The following LRP1B variants were observed in gnomAD, a reference collection of about 807,000 sequenced individuals.
The protein encoded by LRP1B is low-density lipoprotein receptor-related protein 1B.
Under a neutral mutation model 556.6 loss-of-function variants are expected in LRP1B, and 217 were observed. The observed-to-expected ratio is 0.39, with a 90% CI of 0.35 to 0.44. LRP1B has a LOEUF of 0.44. Ranked by LOEUF, LRP1B falls within the 20% of genes least tolerant of loss-of-function variation. LRP1B has a pLI of 1.00. For synonymous variants in LRP1B, 2,047 were observed against 1,865.8 expected (o/e 1.10, Z -2.50); for missense variants, 5,053 against 5,620.8 (o/e 0.90, Z 3.23).
At chr2:141,283,767 T>C (rs562236900) in intron 3 of LRP1B, among the ~76,000 whole-genome samples, 8 of 151,860 alleles carry the variant, frequency 5.3e-5, no homozygotes, top group Admixed American at 5.3e-4. Flanking sequence ...GGCTAATTTT[T>C]GTATTTTTAG....
intron 7 of LRP1B, among the ~76,000 whole-genome samples, chr2:141,164,585 A>G (rs1388932457): frequency 6.6e-6 from 1 of 152,068 alleles, no homozygotes; most frequent in African/African-American, 2.4e-5. Context: ...CTAGCAGGGT[A>G]TCAAATTAGA....
At chr2:141,585,430 T>A (rs866279979) in intron 2 of LRP1B, among the ~76,000 whole-genome samples, 4 of 145,094 alleles carry the variant, frequency 2.8e-5, no homozygotes, top group African/African-American at 1.0e-4. Flanking sequence ...ATCGTGTGTG[T>A]GTGTGTGTGT....
At chr2:141,053,943 C>T (rs1212478053) in intron 10 of LRP1B, among the ~76,000 whole-genome samples, 1 of 151,858 alleles carries the variant, frequency 6.6e-6, no homozygotes, top group African/African-American at 2.4e-5. Context: ...TATCATGAGG[C>T]TTCAAACTCA....
intron 18 of LRP1B, among the ~76,000 whole-genome samples, chr2:140,977,222 G>T (rs1696628333): frequency 6.6e-6 from 1 of 152,084 alleles, no homozygotes; most frequent in Non-Finnish European, 1.5e-5. Context: ...TCATTATAAC[G>T]AATAAGTCTC....
At chr2:141,763,949 T>C (rs1018912694) in intron 2 of LRP1B, among the ~76,000 whole-genome samples, 2 of 152,184 alleles carry the variant, frequency 1.3e-5, no homozygotes, top group African/African-American at 2.4e-5. Flanking sequence ...TACAGATTAT[T>C]GCAATTTGCT....
chr2:142,123,776 CTT>C (rs1428903204), intron 1 of LRP1B, among the ~76,000 whole-genome samples: 2 of 150,226 alleles, frequency 1.3e-5, no homozygotes, highest in African/African-American at 4.9e-5. Context: ...TAAATGGAAA[CTT>C]TTAAATACAC....
chr2:141,921,264 A>C (rs1019785133), intron 1 of LRP1B, among the ~76,000 whole-genome samples: 1 of 152,016 alleles, frequency 6.6e-6, no homozygotes, highest in African/African-American at 2.4e-5. Flanking sequence ...CTTGTCTTGA[A>C]TCCACAAAAA....
Position 140,425,671 on chromosome 2 carries a change from G to A in LRP1B, c.10414+16833C>T, listed in dbSNP as rs140317340. ...TGATCCTGCCTCAGCATCCCAAAGT[G>A]CTGGGATTACAGGAGTGAGCCACCG... On this transcript the variant is annotated intron_variant, in intron 66 of 90. Coordinates refer to ENST00000389484, the MANE Select transcript of LRP1B (RefSeq NM_018557.3). Among the ~76,000 whole-genome samples the A allele has an allele frequency of 6.8e-3, 1,030 of 152,286 alleles. 9 individuals are homozygous for A. Among genetic ancestry groups the A allele is most frequent in the Non-Finnish European group, 0.011 (776 of 68,034 alleles).
chr2:141,622,912 C>T (rs1436273419), intron 2 of LRP1B, among the ~76,000 whole-genome samples: 1 of 152,174 alleles, frequency 6.6e-6, no homozygotes, highest in African/African-American at 2.4e-5. Flanking sequence ...ATTCCTCCCC[C>T]AACCCCTGCC....
At chr2:141,840,005 T>C (rs920949580) in intron 1 of LRP1B, among the ~76,000 whole-genome samples, 9 of 152,166 alleles carry the variant, frequency 5.9e-5, no homozygotes, top group African/African-American at 1.7e-4. Context: ...TAATGCCCTC[T>C]AGCAAGAACT....
chr2:140,849,830 G>A lies in LRP1B; in HGVS notation c.4939+272C>T, dbSNP rs545298001. Among the ~76,000 whole-genome samples, 8 of 152,074 alleles carry A rather than the reference G, an allele frequency of 5.3e-5. 1 individual carries two copies. In the South Asian group the frequency reaches 1.2e-3, roughly 24 times the overall value. The stretch of plus-strand genomic sequence containing the variant: ...GCCGGGATTACCGCTGTGAGCCACC[G>A]TGCCCAGCCGAGAAATCTAAATTTT... On this transcript the variant is annotated intron_variant, in intron 29 of 90. Transcript: ENST00000389484.
chr2:142,099,945 C>T (rs1706512733), intron 1 of LRP1B, among the ~76,000 whole-genome samples: 1 of 151,832 alleles, frequency 6.6e-6, no homozygotes, highest in African/African-American at 2.4e-5. Flanking sequence ...AACCTGGATT[C>T]TAAGTGTTAG....
intron 21 of LRP1B, among the ~76,000 whole-genome samples, chr2:140,921,826 A>T (rs1694743874): frequency 6.6e-6 from 1 of 151,996 alleles, no homozygotes; most frequent in Admixed American, 6.6e-5. Flanking sequence ...ACCAAGAGGC[A>T]TGTTTAAGAA....
intron 27 of LRP1B, among the ~76,000 whole-genome samples, chr2:140,855,993 CCTCCA>C (rs951207900): frequency 1.3e-5 from 2 of 152,140 alleles, no homozygotes; most frequent in Non-Finnish European, 2.9e-5. Context: ...TACCTCTACT[CCTCCA>C]ACATGTTTCC....
chr2:141,005,442 C>T lies in LRP1B; in HGVS notation c.2396G>A (p.Arg799Gln), dbSNP rs201695614. The change falls in exon 15 of 91, where the codon CGA becomes CAA. Residue 799 changes from arginine (R) to glutamine (Q), a missense_variant. By Grantham distance (43) the Arg-to-Gln change is conservative. Coordinates refer to ENST00000389484, the MANE Select transcript of LRP1B (RefSeq NM_018557.3). ...PRKQQGDNMCRVNNGGCSTLC... is the reference protein window; with the variant it reads ...PRKQQGDNMCQVNNGGCSTLC... Reference sequence around the variant, plus strand: ...TGTACTACAGCCCCCATTATTTACTCGGCACATATTGTCACCTGCAAGAGG... The same window carrying T: ...TGTACTACAGCCCCCATTATTTACTTGGCACATATTGTCACCTGCAAGAGG... 99 of 1,610,486 alleles carry T rather than the reference C, an allele frequency of 6.1e-5. No homozygotes were observed. In the East Asian group the frequency reaches 1.7e-3, roughly 28 times the overall value.
intron 3 of LRP1B, among the ~76,000 whole-genome samples, chr2:141,403,339 TA>T (rs111409918): frequency 5.7e-4 from 87 of 152,010 alleles, no homozygotes; most frequent in Admixed American, 2.1e-3. Context: ...TCAAAACTAT[TA>T]AAAAAAACCC....
intron 2 of LRP1B, among the ~76,000 whole-genome samples, chr2:141,795,971 G>A (rs1695799366): frequency 1.4e-5 from 2 of 145,200 alleles, no homozygotes; most frequent in Middle Eastern, 3.6e-3. Flanking sequence ...CTCACAGTGG[G>A]TTGCAGAGGT....
intron 2 of LRP1B, among the ~76,000 whole-genome samples, chr2:141,541,939 G>A (rs1320276137): frequency 1.3e-5 from 2 of 151,948 alleles, no homozygotes; most frequent in African/African-American, 2.4e-5. Context: ...AAAGTCTCTG[G>A]AAATTTTCTA....
chr2:141,418,745 GA>G (rs202100086), intron 3 of LRP1B, among the ~76,000 whole-genome samples: 1 of 150,344 alleles, frequency 6.7e-6, no homozygotes, highest in Admixed American at 6.6e-5. Context: ...ATGAATTTTA[GA>G]ATTTTTTTTT....
Sources: allele counts gnomAD v4.1 joint callset (sites outside exome capture counted in the v4.1 genomes callset), GRCh38; gene constraint gnomAD v4.1.1; transcripts MANE v1.5; gene names NCBI Gene and HGNC (gene_info 2026-07-23, HGNC 2026-07-21).